INSR: variants seen among roughly 807,000 people sequenced by gnomAD.
The protein encoded by INSR is IR.
A neutral mutation model predicts 142.6 loss-of-function variants in INSR; 67 were observed. The observed-to-expected ratio is 0.47, with a 90% confidence interval of 0.39 to 0.58. The LOEUF (loss-of-function observed/expected upper bound fraction) is 0.58, where lower values mean the gene tolerates loss of function less well. Ranked by LOEUF, INSR falls within the 20% of genes least tolerant of loss-of-function variation. The pLI, the probability that INSR is intolerant of heterozygous loss-of-function variation, is 0.00. For missense variants in INSR, 1,248 were observed against 1,833.2 expected (o/e 0.68, Z 5.83); for synonymous variants, 756 against 743.1 (o/e 1.02, Z -0.28).
chr19:7,206,704 G>A (rs74629456), intron 2 of INSR, among the ~76,000 whole-genome samples: 1 of 152,300 alleles, frequency 6.6e-6, no homozygotes, highest in African/African-American at 2.4e-5. Context: ...AGTGAACAGA[G>A]ATTGCACCAG....
intron 10 of INSR, 162 bp downstream of exon 10, chr19:7,152,564 A>T: frequency 1.4e-6 from 1 of 723,500 alleles, no homozygotes; most frequent in South Asian, 1.5e-5. Context: ...AAATTTCGAA[A>T]CTGCAAGATC....
intron 8 of INSR, among the ~76,000 whole-genome samples, chr19:7,165,339 AAAC>A (rs1481891063): frequency 2.6e-5 from 4 of 152,024 alleles, no homozygotes; most frequent in Non-Finnish European, 5.9e-5. Flanking sequence ...AGGCCAAAAC[AAAC>A]AACAAAACAA....
At chr19:7,117,523 C>G (rs535056200) in intron 21 of INSR, 113 bp from the exon 22 acceptor site, 2 of 706,808 alleles carry the variant, frequency 2.8e-6, no homozygotes, top group Non-Finnish European at 4.9e-6. Flanking sequence ...GTGCTCACAT[C>G]AGATGCTGGC....
At chr19:7,207,479 T>C (rs189918580) in intron 2 of INSR, among the ~76,000 whole-genome samples, 40 of 151,956 alleles carry the variant, frequency 2.6e-4, no homozygotes, top group Non-Finnish European at 4.9e-4. Context: ...GCAGAAGGTA[T>C]ACCAAAGCCC....
chr19:7,250,140 C>G (rs552188773), intron 2 of INSR, among the ~76,000 whole-genome samples: 2 of 149,202 alleles, frequency 1.3e-5, no homozygotes, highest in African/African-American at 4.9e-5. Context: ...GCCTGGGTGA[C>G]AGAGCAAGAC....
rs1452514218 is a variant in INSR at position 7,168,631 on chromosome 19, T to G, written c.1484-537A>C. ...CCAACCTCGCTCTCTCTCCTTGCAC[T>G]ACATTTTTTTTGAGACAGTCTTGCT... On this transcript the variant is annotated intron_variant, in intron 6 of 21. Coordinates refer to ENST00000302850, the MANE Select transcript of INSR (RefSeq NM_000208.4). The surrounding 1 kb of genome is among the most constrained non-coding windows in gnomAD (Gnocchi z 4.3). Among the ~76,000 whole-genome samples, 1 of 152,160 alleles carries G rather than the reference T, an allele frequency of 6.6e-6. No individual in the cohort carries two copies. The highest frequency in any genetic ancestry group is 2.4e-5 in the African/African-American group (1 of 41,442).
intron 3 of INSR, 72 bp downstream of exon 3, chr19:7,184,244 G>T: frequency 7.4e-7 from 1 of 1,348,374 alleles, no homozygotes; most frequent in Non-Finnish European, 1.1e-6. Flanking sequence ...GTTTTAACAA[G>T]CGGCATCGTC....
At chr19:7,240,767 C>T (rs1215830728) in intron 2 of INSR, among the ~76,000 whole-genome samples, 1 of 152,110 alleles carries the variant, frequency 6.6e-6, no homozygotes, top group Non-Finnish European at 1.5e-5. Flanking sequence ...ACAGTCAGGG[C>T]GGTGAAAACC....
intron 9 of INSR, among the ~76,000 whole-genome samples, chr19:7,154,705 CCT>C: frequency 6.6e-6 from 1 of 151,714 alleles, no homozygotes; most frequent in Non-Finnish European, 1.5e-5. Flanking sequence ...GGGCAGATCA[CCT>C]GAGGTCAGGA....
Position 7,120,474 on chromosome 19 carries a change from G to A in INSR, c.3659+146C>T, listed in dbSNP as rs1041295793. The A allele has an allele frequency of 2.4e-4, 210 of 881,614 alleles. 1 individual carries two copies. The East Asian group carries it at 5.2e-3, about 22-fold the overall frequency. 54.6% of individuals were successfully genotyped at this position (881,614 alleles called of 1,614,324 possible). ...GATTAGTCAGGACATAAGAGTAGCC[G>A]TGGGAAGATCCTAAGACAGGACGCT... is the stretch of plus-strand genomic sequence containing the variant. On this transcript the variant is annotated intron_variant, in intron 20 of 21. Coordinates refer to ENST00000302850, the MANE Select transcript of INSR (RefSeq NM_000208.4).
chr19:7,243,235 T>C (rs12611355), intron 2 of INSR, among the ~76,000 whole-genome samples: 2 of 12,520 alleles, frequency 1.6e-4, no homozygotes, highest in East Asian at 6.3e-3. Flanking sequence ...ACTGTTTTGG[T>C]TTTTTTTTTT....
At chr19:7,143,450 C>T (rs1239856211) in intron 11 of INSR, among the ~76,000 whole-genome samples, 1 of 152,174 alleles carries the variant, frequency 6.6e-6, no homozygotes, top group Non-Finnish European at 1.5e-5. Flanking sequence ...ACCAAAAGCA[C>T]GTAAGAGTCT....
chr19:7,284,573 G>A (rs921825433), intron 1 of INSR, among the ~76,000 whole-genome samples: 5 of 152,026 alleles, frequency 3.3e-5, no homozygotes, highest in Admixed American at 1.3e-4. Context: ...CTGTCACCCA[G>A]GCTGGAGTGC....
chr19:7,145,592 C>T (rs889526415), intron 11 of INSR, among the ~76,000 whole-genome samples: 1 of 152,148 alleles, frequency 6.6e-6, no homozygotes, highest in Non-Finnish European at 1.5e-5. Context: ...AGCCAAATGA[C>T]CTCTGTCACA....
rs760892146 is a variant in INSR, at chr19:7,122,603, G to A, written c.3529+11C>T. 6.2e-7 allele frequency: 1 copy of A among 1,614,048 alleles called. No homozygotes were observed. Among genetic ancestry groups the A allele is most frequent in the Non-Finnish European group, 8.5e-7 (1 of 1,179,964 alleles). ...GGTCGTTATGTTTTCAAAGCAGAAA[G>A]CCAGACGAACCTCCAATTTTGACAG... is the stretch of plus-strand genomic sequence containing the variant. On this transcript the variant is annotated intron_variant, in intron 19 of 21. Transcript: ENST00000302850.
chr19:7,178,243 TGG>T (rs754976117), intron 3 of INSR, among the ~76,000 whole-genome samples: 2,752 of 47,312 alleles, frequency 0.058, 126 homozygotes, highest in East Asian at 0.14. Context: ...GGGTGACTTG[TGG>T]GGGGGGGGGT....
At chr19:7,266,663 G>A (rs1321873217) in intron 2 of INSR, among the ~76,000 whole-genome samples, 1 of 152,134 alleles carries the variant, frequency 6.6e-6, no homozygotes, top group East Asian at 1.9e-4. Flanking sequence ...GGGATTACAG[G>A]CCTGAGCCAC....
Position 7,267,375 on chromosome 19 carries a change from G to A in INSR, c.622C>T (p.Arg208Ter). ...TGGCAGTGACTATGAGTCCAACATC[G>A]TTCGACAAACTGCCCGTTGATGACG... ...ATVINGQFVERCWTHSHCQKV... is the reference protein window; with the variant it reads ...ATVINGQFVE The change falls in exon 2 of 22, where the codon CGA becomes TGA. Residue 208 changes from arginine to a stop codon, truncating the protein, a stop_gained. Transcript: ENST00000302850. LOFTEE classifies it high-confidence loss of function. This position sits in a 1 kb window ranked among gnomAD's most constrained non-coding sequence, Gnocchi z 6.3. 6.2e-7 allele frequency: 1 copy of A among 1,614,122 alleles called. No homozygotes were observed. The highest frequency in any genetic ancestry group is 8.5e-7 in the Non-Finnish European group (1 of 1,180,036).
intron 1 of INSR, among the ~76,000 whole-genome samples, chr19:7,281,913 T>G (rs1419676785): frequency 6.6e-6 from 1 of 152,138 alleles, no homozygotes; most frequent in East Asian, 1.9e-4. Flanking sequence ...TGATGAGATA[T>G]CCTACTTCTA....
Sources: allele counts gnomAD v4.1 joint callset (sites outside exome capture counted in the v4.1 genomes callset), GRCh38; gene constraint gnomAD v4.1.1; non-coding constraint Gnocchi (gnomAD v3.1); transcripts MANE v1.5; gene names NCBI Gene and HGNC (gene_info 2026-07-23, HGNC 2026-07-21).